Variants in TP63 observed in about 807,000 individuals in gnomAD.
The protein encoded by TP63 is tumor protein p63, also known as tumor protein 63.
TP63 carries 17 observed loss-of-function variants against 82.8 expected under a neutral mutation model. The observed-to-expected ratio is 0.21, with a 90% CI of 0.14 to 0.31. TP63 has a LOEUF of 0.31. Among genes scored for constraint, TP63 ranks in the 10% least tolerant of loss-of-function variants. The pLI is 1.00. For missense variants in TP63, 648 were observed against 895.3 expected, an observed-to-expected ratio of 0.72 and a Z score of 3.52; for synonymous variants, 330 against 321.7, an observed-to-expected ratio of 1.03 and a Z score of -0.28.
At chr3:189,683,104 A>G (rs1211111828) in intron 1 of TP63, among the ~76,000 whole-genome samples, 1 of 152,190 alleles carries the variant, frequency 6.6e-6, no homozygotes, top group Non-Finnish European at 1.5e-5. Context: ...ATTAAGTGGC[A>G]AGGTTGAGAT....
At chr3:189,773,523 G>T (rs1012223908) in intron 3 of TP63, among the ~76,000 whole-genome samples, 1 of 152,164 alleles carries the variant, frequency 6.6e-6, no homozygotes, top group Non-Finnish European at 1.5e-5. Flanking sequence ...AGCCAAAATT[G>T]TTTCCTTTTA....
At chr3:189,771,486 T>C (rs1194262721) in intron 3 of TP63, among the ~76,000 whole-genome samples, 2 of 141,830 alleles carry the variant, frequency 1.4e-5, no homozygotes, top group African/African-American at 5.2e-5. Context: ...ATAATTAATT[T>C]ATATAATATA....
rs747354750 is a variant in TP63 at position 189,808,387 on chromosome 3, C to T, written c.440C>T (p.Ser147Leu). Residue 147 changes from serine (S) to leucine (L), a missense_variant, in exon 4 of 14, where the codon TCG (serine) becomes TTG (leucine). Ser to Leu is a moderately radical substitution (Grantham distance 145). Around this residue, in one of 5 missense-constraint regions of TP63, gnomAD observed 182 missense variants for 213.6 expected, o/e 0.85. Coordinates refer to ENST00000264731, the MANE Select transcript of TP63 (RefSeq NM_003722.5). Reference protein sequence around the residue: ...DHAQNSVTAPSPYAQPSSTFD... With the variant: ...DHAQNSVTAPLPYAQPSSTFD... The stretch of plus-strand genomic sequence containing the variant: ...GCGCAGAACAGCGTCACGGCGCCCT[C>T]GCCCTACGCACAGCCCAGCTCCACC... 3 of 1,614,136 alleles carry T rather than the reference C, an allele frequency of 1.9e-6. No homozygotes were observed. The highest frequency in any genetic ancestry group is 1.1e-5 in the South Asian group (1 of 91,084).
chr3:189,787,442 G>C (rs951250093), intron 3 of TP63, among the ~76,000 whole-genome samples: 2 of 152,088 alleles, frequency 1.3e-5, no homozygotes, highest in African/African-American at 4.8e-5. Flanking sequence ...CCAGTCCAGT[G>C]CTCTTTTCTT....
At position 189,895,080 on chromosome 3, in the gene TP63, A is replaced by G. The variant is rs1721370995; in HGVS notation, c.*578A>G. 1 of 221,610 alleles carries G rather than the reference A, an allele frequency of 4.5e-6. No individual in the cohort carries two copies. Among genetic ancestry groups the G allele is most frequent in the African/African-American group, 2.2e-5 (1 of 44,660 alleles). 13.7% of individuals were successfully genotyped at this position (221,610 alleles called of 1,614,324 possible). On this transcript the variant is annotated 3_prime_UTR_variant, in exon 14 of 14. Transcript: ENST00000264731. ...ATTCTTTCAGTTCTTTGGATTCTAA[A>G]TACATGCCACATCAAACCTTTGAGT...
rs148906435 is a variant in TP63 at position 189,723,003 on chromosome 3, A to T, written c.63-14737A>T. 9.0e-3 allele frequency among the ~76,000 whole-genome samples: 1,378 copies of T among 152,298 alleles called. 10 individuals are homozygous for T. The highest frequency in any genetic ancestry group is 0.014 in the Middle Eastern group (4 of 294). On this transcript the variant is annotated intron_variant, in intron 1 of 13. Coordinates refer to ENST00000264731, the MANE Select transcript of TP63 (RefSeq NM_003722.5). ...AGTTTGTTTAAAGTGCAGATTTGTA[A>T]GCCTCAGTCCAGATCATTTGAAACA...
intron 1 of TP63, among the ~76,000 whole-genome samples, chr3:189,647,574 C>A (rs902090080): frequency 6.8e-6 from 1 of 146,506 alleles, no homozygotes; most frequent in Non-Finnish European, 1.5e-5. Flanking sequence ...GCAAGCTCTA[C>A]GTGGATTGTT....
chr3:189,887,750 G>T (rs1720602045), intron 11 of TP63, among the ~76,000 whole-genome samples: 1 of 151,772 alleles, frequency 6.6e-6, no homozygotes, highest in South Asian at 2.1e-4. Context: ...TAATTATTTT[G>T]ATCAAACCTC....
chr3:189,770,786 A>C (rs145321232), intron 3 of TP63, among the ~76,000 whole-genome samples: 1 of 152,324 alleles, frequency 6.6e-6, no homozygotes, highest in Non-Finnish European at 1.5e-5. Context: ...TTGATACTGC[A>C]AATTTTCTCT....
chr3:189,878,533 T>C (rs1218050983), intron 10 of TP63, among the ~76,000 whole-genome samples: 5 of 150,300 alleles, frequency 3.3e-5, no homozygotes, highest in Non-Finnish European at 5.9e-5. Context: ...GGATTACAGA[T>C]GCCTGCCACC....
At chr3:189,687,118 A>G (rs1716514025) in intron 1 of TP63, among the ~76,000 whole-genome samples, 1 of 152,024 alleles carries the variant, frequency 6.6e-6, no homozygotes, top group African/African-American at 2.4e-5. Context: ...ATAAGGGAGA[A>G]GTGGTCTACA....
chr3:189,598,298 A>T, the TP63 span, among the ~76,000 whole-genome samples: 3 of 148,632 alleles, frequency 2.0e-5, no homozygotes, highest in African/African-American at 7.4e-5. Context: ...AAGGGACAGC[A>T]GGAGAGGGGA....
chr3:189,651,746 A>G (rs1028343239), intron 1 of TP63, among the ~76,000 whole-genome samples: 1 of 146,068 alleles, frequency 6.8e-6, no homozygotes, highest in Non-Finnish European at 1.5e-5. Flanking sequence ...GGAGGGAAAA[A>G]ATGGTTTCCT....
At chr3:189,868,843 C>T in intron 8 of TP63, 127 bp downstream of exon 8, 2 of 1,449,216 alleles carry the variant, frequency 1.4e-6, no homozygotes, top group Non-Finnish European at 1.9e-6. Flanking sequence ...CGTCAGCCCT[C>T]AGAGCCAGTG....
chr3:189,733,521 T>G (rs753540919), intron 1 of TP63, among the ~76,000 whole-genome samples: 18 of 152,218 alleles, frequency 1.2e-4, no homozygotes, highest in Non-Finnish European at 1.5e-5. Context: ...GGCATCCCGT[T>G]TGGATCTTTG....
At chr3:189,672,708 A>AAGGAAG (rs1474402060) in intron 1 of TP63, among the ~76,000 whole-genome samples, 2 of 102,354 alleles carry the variant, frequency 2.0e-5, no homozygotes, top group Admixed American at 1.1e-4. Flanking sequence ...AAGGAAGGAA[A>AAGGAAG]GAAGGAAGGC....
At chr3:189,758,849 GGTTGA>G in intron 3 of TP63, among the ~76,000 whole-genome samples, 1 of 152,286 alleles carries the variant, frequency 6.6e-6, no homozygotes, top group South Asian at 2.1e-4. Context: ...AACTAGACAA[GGTTGA>G]GTTTTCTTCA....
intron 11 of TP63, among the ~76,000 whole-genome samples, chr3:189,887,517 G>A (rs761347948): frequency 2.0e-5 from 3 of 152,102 alleles, no homozygotes; most frequent in Non-Finnish European, 2.9e-5. Flanking sequence ...GCCTCCAAGT[G>A]GATGATGACT....
chr3:189,678,219 T>C (rs1454498436), intron 1 of TP63, among the ~76,000 whole-genome samples: 1 of 152,126 alleles, frequency 6.6e-6, no homozygotes, highest in African/African-American at 2.4e-5. Context: ...ATTTCTACAG[T>C]TTAAGGTTTT....
Sources: allele counts gnomAD v4.1 joint callset (sites outside exome capture counted in the v4.1 genomes callset), GRCh38; gene constraint gnomAD v4.1.1; regional missense constraint gnomAD v4.1.1; transcripts MANE v1.5; gene names NCBI Gene and HGNC (gene_info 2026-07-23, HGNC 2026-07-21).